Variants in CALU observed in about 807,000 individuals in gnomAD.
CALU encodes IEF SSP 9302.
Under a neutral mutation model 37.5 loss-of-function variants are expected in CALU, and 13 were observed. That is an observed-to-expected ratio of 0.35 (90% CI 0.23 to 0.55). The LOEUF (loss-of-function observed/expected upper bound fraction) is 0.55. Among genes scored for constraint, CALU ranks in the 20% least tolerant of loss-of-function variants. CALU has a pLI of 0.89. For missense variants in CALU, 282 were observed against 391.7 expected, an observed-to-expected ratio of 0.72 and a Z score of 2.36; for synonymous variants, 114 against 133.8, an observed-to-expected ratio of 0.85 and a Z score of 1.02.
intron 4 of CALU, 21 bp from the exon 5 acceptor site, chr7:128,759,768 CTCT>C (rs758685778): frequency 8.0e-6 from 9 of 1,131,288 alleles, no homozygotes; most frequent in East Asian, 2.3e-5. Context: ...ACTTAATAGT[CTCT>C]TCTTATTCTT....
chr7:128,743,962 T>G (rs1800335212), intron 1 of CALU, among the ~76,000 whole-genome samples: 1 of 152,134 alleles, frequency 6.6e-6, no homozygotes. Context: ...TCCCGACACT[T>G]TGGGAGGCCG....
intron 4 of CALU, among the ~76,000 whole-genome samples, chr7:128,759,580 A>T (rs1713658827): frequency 6.6e-6 from 1 of 152,224 alleles, no homozygotes; most frequent in African/African-American, 2.4e-5. Flanking sequence ...GTTATTTTAG[A>T]TTGAAGCATA....
At position 128,768,847 on chromosome 7, in the gene CALU, C is replaced by CAAAAAAAAAAAAAAAAAAAA. The variant is rs1012831963; in HGVS notation, c.844-214_844-195dup. ...GGGCAACAAGAGCGAAACTCCGTCT[C>CAAAAAAAAAAAAAAAAAAAA]AAAAAAAAAAAAAAAAAAAAACAAG... On this transcript the variant is annotated intron_variant, in intron 6 of 6. Transcript: ENST00000249364. 6.2e-3 allele frequency among the ~76,000 whole-genome samples: 342 copies of CAAAAAAAAAAAAAAAAAAAA among 55,072 alleles called. 34 individuals are homozygous for CAAAAAAAAAAAAAAAAAAAA. Among genetic ancestry groups the CAAAAAAAAAAAAAAAAAAAA allele is most frequent in the African/African-American group, 8.6e-3 (99 of 11,550 alleles). 36.1% of individuals were successfully genotyped at this position (55,072 alleles called of 152,430 possible). A position where few individuals can be genotyped will look rare whatever the true frequency, so the allele number is the denominator to read the frequency against.
In CALU at chr7:128,745,419, A is replaced by C. The variant is rs980524107; in HGVS notation, c.-11-3154A>C. On this transcript the variant is annotated intron_variant, in intron 1 of 6. Coordinates refer to ENST00000249364, the MANE Select transcript of CALU (RefSeq NM_001219.5). Reference sequence around the variant, plus strand: ...AGGATCGCTTGAGACCAGTCTGGGCAACATAGTGAGACTCTACAACATTTT... The same window carrying C: ...AGGATCGCTTGAGACCAGTCTGGGCCACATAGTGAGACTCTACAACATTTT... Among the ~76,000 whole-genome samples the C allele has an allele frequency of 3.3e-5, 5 of 151,062 alleles. No homozygotes were observed. The East Asian group carries it at 9.6e-4, about 29-fold the overall frequency.
chr7:128,754,573 C>T (rs377059578), intron 3 of CALU, 118 bp downstream of exon 3: 123 of 1,552,514 alleles, frequency 7.9e-5, no homozygotes, highest in Non-Finnish European at 9.6e-5. Flanking sequence ...GGGTTTGTGA[C>T]GGAGGGGGAG....
chr7:128,749,888 A>C (rs1800593197), intron 2 of CALU, among the ~76,000 whole-genome samples: 1 of 152,158 alleles, frequency 6.6e-6, no homozygotes. Context: ...GACCATCCTC[A>C]CTTTCAGTTT....
At chr7:128,755,303 T>C (rs1800834294) in intron 3 of CALU, among the ~76,000 whole-genome samples, 1 of 89,128 alleles carries the variant, frequency 1.1e-5, no homozygotes. Context: ...CAGAGCGAGC[T>C]CTGTCCAAAA....
rs140529509 is a variant in CALU at position 128,765,345 on chromosome 7, C to T, written c.644-2111C>T. Among the ~76,000 whole-genome samples, 739 of 152,292 alleles carry T rather than the reference C, an allele frequency of 4.9e-3. 9 individuals are homozygous for T. The highest frequency in any genetic ancestry group is 0.017 in the African/African-American group (701 of 41,568). On this transcript the variant is annotated intron_variant, in intron 5 of 6. Coordinates refer to ENST00000249364, the MANE Select transcript of CALU (RefSeq NM_001219.5). Reference sequence around the variant, plus strand: ...AAGCCATCCTCCTGCCTCAGCCTCCCGAGTAGCTGGGACTGTAGGTGCATG... The same window carrying T: ...AAGCCATCCTCCTGCCTCAGCCTCCTGAGTAGCTGGGACTGTAGGTGCATG...
intron 5 of CALU, among the ~76,000 whole-genome samples, chr7:128,766,999 G>A (rs1801361144): frequency 1.3e-5 from 2 of 152,162 alleles, no homozygotes; most frequent in South Asian, 2.1e-4. Flanking sequence ...ACCTTTCTCA[G>A]TGTACTCCTT....
At chr7:128,747,234 A>T (rs1800482367) in intron 1 of CALU, among the ~76,000 whole-genome samples, 1 of 152,204 alleles carries the variant, frequency 6.6e-6, no homozygotes, top group Non-Finnish European at 1.5e-5. Context: ...GATGGGATTG[A>T]ATGAAACAAT....
intron 1 of CALU, chr7:128,748,001 T>C: frequency 5.3e-6 from 1 of 189,680 alleles, no homozygotes; most frequent in Non-Finnish European, 1.1e-5. Context: ...GGAGACTTGG[T>C]GCTATAGACC....
intron 5 of CALU, among the ~76,000 whole-genome samples, chr7:128,764,281 A>AG (rs1429741100): frequency 2.0e-5 from 3 of 151,982 alleles, no homozygotes; most frequent in Non-Finnish European, 4.4e-5. Context: ...TACAAAAAAA[A>AG]AGAAAAAATT....
rs1475172328 is a variant in CALU, at chr7:128,772,067, T to G, written c.*2900T>G. Reference sequence around the variant, plus strand: ...TGGGGCCACTGAGTTTTTTTTGTTTTTTTTTTTGTTTTGTTTTGTTTTTTC... The same window carrying G: ...TGGGGCCACTGAGTTTTTTTTGTTTGTTTTTTTGTTTTGTTTTGTTTTTTC... On this transcript the variant is annotated 3_prime_UTR_variant, in exon 7 of 7. Transcript: ENST00000249364. 1.3e-4 allele frequency among the ~76,000 whole-genome samples: 10 copies of G among 76,122 alleles called. No homozygotes were observed. Among genetic ancestry groups the G allele is most frequent in the African/African-American group, 3.6e-4 (10 of 27,892 alleles). The allele number at this position is 76,122 out of a possible 152,430, so 49.9% of individuals were successfully genotyped here. A position where few individuals can be genotyped will look rare whatever the true frequency, so the allele number is the denominator to read the frequency against.
chr7:128,752,291 C>T (rs1472072574), intron 2 of CALU, among the ~76,000 whole-genome samples: 1 of 152,082 alleles, frequency 6.6e-6, no homozygotes, highest in Admixed American at 6.5e-5. Flanking sequence ...CTTAAGTTTG[C>T]CAACCCCTAG....
intron 1 of CALU, among the ~76,000 whole-genome samples, chr7:128,740,206 G>C (rs1288258419): frequency 6.6e-6 from 1 of 152,180 alleles, no homozygotes; most frequent in Non-Finnish European, 1.5e-5. Flanking sequence ...AGTTTCAAAA[G>C]CTGCTTTTGC....
At position 128,741,202 on chromosome 7, in the gene CALU, T is replaced by G. The variant is rs1800228058; in HGVS notation, c.-12+1770T>G. On this transcript the variant is annotated intron_variant, in intron 1 of 6. Coordinates refer to ENST00000249364, the MANE Select transcript of CALU (RefSeq NM_001219.5). ...TGTTGCTGATGCAGTAATTTATGTA[T>G]TAGAGTTAAGACAGCTGAAATAACA... Among the ~76,000 whole-genome samples, 3 of 152,256 alleles carry G rather than the reference T, an allele frequency of 2.0e-5. No individual in the cohort carries two copies. The East Asian group carries it at 5.8e-4, about 29-fold the overall frequency.
intron 5 of CALU, chr7:128,761,437 G>A (rs963565612): frequency 6.6e-6 from 1 of 152,106 alleles, no homozygotes; most frequent in Non-Finnish European, 1.5e-5. Context: ...TCATCAATAT[G>A]GTGACCTCCT....
Position 128,769,264 on chromosome 7 carries a change from C to A in CALU, c.*97C>A, listed in dbSNP as rs901137038. The A allele has an allele frequency of 3.1e-6, 2 of 641,214 alleles. No individual in the cohort carries two copies. Among genetic ancestry groups the A allele is most frequent in the Admixed American group, 6.0e-5 (2 of 33,288 alleles). The allele number at this position is 641,214 out of a possible 1,614,324, so 39.7% of individuals were successfully genotyped here. A position where few individuals can be genotyped will look rare whatever the true frequency, so the allele number is the denominator to read the frequency against. ...GCGCTACTGAGACTGTTACTACAAACTTTTTAAGACATGAAAAGGCGTAAT... is the reference window on the plus strand; with the variant it reads ...GCGCTACTGAGACTGTTACTACAAAATTTTTAAGACATGAAAAGGCGTAAT... On this transcript the variant is annotated 3_prime_UTR_variant, in exon 7 of 7. Coordinates refer to ENST00000249364, the MANE Select transcript of CALU (RefSeq NM_001219.5).
At chr7:128,740,715 C>T (rs936616444) in intron 1 of CALU, among the ~76,000 whole-genome samples, 4 of 151,982 alleles carry the variant, frequency 2.6e-5, no homozygotes, top group Non-Finnish European at 5.9e-5. Context: ...CATGAGCTCA[C>T]AAAAATGTAT....
Sources: allele counts gnomAD v4.1 joint callset (sites outside exome capture counted in the v4.1 genomes callset), GRCh38; gene constraint gnomAD v4.1.1; transcripts MANE v1.5; gene names NCBI Gene and HGNC (gene_info 2026-07-23, HGNC 2026-07-21).